Variants in DNAH9 observed in about 807,000 individuals in gnomAD.
DNAH9 encodes DNAH9 variant protein.
Under a neutral mutation model 471.6 loss-of-function variants are expected in DNAH9, and 345 were observed. The observed-to-expected ratio is 0.73, with a 90% CI of 0.67 to 0.80. DNAH9 has a LOEUF of 0.80. Ranked by LOEUF, DNAH9 falls within the 30% of genes least tolerant of loss-of-function variation. The probability of loss-of-function intolerance (pLI) is 0.00; values close to 1 mark genes in which losing one functional copy is unlikely to be tolerated. For missense variants in DNAH9, 5,407 were observed against 5,609.2 expected (o/e 0.96, Z 1.15); for synonymous variants, 2,093 against 2,123.6 (o/e 0.99, Z 0.40).
chr17:11,952,675 A>T (rs1249435621), intron 67 of DNAH9, among the ~76,000 whole-genome samples: 1 of 152,068 alleles, frequency 6.6e-6, no homozygotes, highest in Non-Finnish European at 1.5e-5. Flanking sequence ...TCCTGCCCCT[A>T]AAGGTGAATT....
chr17:11,659,551 C>T (rs572467000), intron 14 of DNAH9, among the ~76,000 whole-genome samples: 4 of 152,230 alleles, frequency 2.6e-5, no homozygotes, highest in Non-Finnish European at 5.9e-5. Context: ...TCCAGACTCA[C>T]TGGCCCCTTG....
chr17:11,807,348 C>CT (rs1291762485), intron 43 of DNAH9, among the ~76,000 whole-genome samples: 1 of 152,170 alleles, frequency 6.6e-6, no homozygotes, highest in Non-Finnish European at 1.5e-5. Context: ...AACTGTTTCG[C>CT]TTTTTCCGTC....
intron 27 of DNAH9, chr17:11,723,329 T>C (rs1220679718): frequency 6.6e-6 from 1 of 152,242 alleles, no homozygotes; most frequent in Non-Finnish European, 1.5e-5. Flanking sequence ...CTTCCCTACC[T>C]CTAATCGGTC....
intron 50 of DNAH9, among the ~76,000 whole-genome samples, chr17:11,857,824 C>G (rs762523342): frequency 6.6e-6 from 1 of 152,022 alleles, no homozygotes. Context: ...GTGGCACCTG[C>G]CCCCCGCAAC....
intron 23 of DNAH9, 64 bp downstream of exon 23, chr17:11,699,947 A>G: frequency 3.2e-6 from 5 of 1,547,800 alleles, no homozygotes; most frequent in South Asian, 1.1e-5. Flanking sequence ...TTCAAATATG[A>G]TCAGCATCAA....
At position 11,902,910 on chromosome 17, in the gene DNAH9, G is replaced by C; in HGVS notation, c.11598G>C (p.Leu3866Phe). The part of the protein sequence containing the change: ...AMRPDRMTYA[L>F]RDFVEEKLGS... ...GGCCCGACCGGATGACCTATGCTTT[G>C]CGGTAGGAAACAGGGTGGTGGAAGG... The change falls in exon 60 of 69, where the codon TTG becomes TTC. Residue 3866 changes from leucine (L) to phenylalanine (F), a missense_variant and splice_region_variant. This residue lies in a region of DNAH9 where 4,636 missense variants were observed against 4,900.3 expected (regional missense o/e 0.95). Transcript: ENST00000262442. 6.2e-7 allele frequency: 1 copy of C among 1,612,294 alleles called. No homozygotes were observed. Among genetic ancestry groups the C allele is most frequent in the Non-Finnish European group, 8.5e-7 (1 of 1,179,442 alleles).
intron 14 of DNAH9, among the ~76,000 whole-genome samples, chr17:11,661,383 TG>T (rs1271045657): frequency 6.6e-6 from 1 of 152,170 alleles, no homozygotes. Flanking sequence ...CTAACAACTC[TG>T]CCTATTAATT....
chr17:11,681,359 C>T (rs560549446), intron 19 of DNAH9, among the ~76,000 whole-genome samples: 2 of 152,262 alleles, frequency 1.3e-5, no homozygotes, highest in African/African-American at 4.8e-5. Flanking sequence ...CCAACACCTC[C>T]CTGCTTGTTA....
At position 11,629,001 on chromosome 17, in the gene DNAH9, T is replaced by C. The variant is rs899155331; in HGVS notation, c.1351-416T>C. ...ATAAGGTTATGAAACTAATCAGGCTTCACAATTTCCTAAGCAACCACCGCC... is the reference window on the plus strand; with the variant it reads ...ATAAGGTTATGAAACTAATCAGGCTCCACAATTTCCTAAGCAACCACCGCC... On this transcript the variant is annotated intron_variant, in intron 6 of 68. Coordinates refer to ENST00000262442, the MANE Select transcript of DNAH9 (RefSeq NM_001372.4). 2.0e-5 allele frequency among the ~76,000 whole-genome samples: 3 copies of C among 152,286 alleles called. No individual in the cohort carries two copies. The South Asian group carries it at 6.2e-4, about 32-fold the overall frequency.
At chr17:11,615,841 C>G (rs779985894) in intron 4 of DNAH9, among the ~76,000 whole-genome samples, 4 of 152,178 alleles carry the variant, frequency 2.6e-5, no homozygotes, top group Non-Finnish European at 4.4e-5. Context: ...TCAGCACTTA[C>G]GGAAGCAAGA....
intron 19 of DNAH9, among the ~76,000 whole-genome samples, chr17:11,685,621 A>G (rs2074228623): frequency 2.0e-5 from 3 of 151,976 alleles, no homozygotes; most frequent in African/African-American, 7.3e-5. Context: ...TTACAGAGAG[A>G]TTTAGGAGAA....
chr17:11,923,185 C>T (rs966063362), intron 61 of DNAH9, among the ~76,000 whole-genome samples: 1 of 152,146 alleles, frequency 6.6e-6, no homozygotes, highest in Admixed American at 6.5e-5. Context: ...AAGTGATTCT[C>T]CTGCCTCAGC....
At chr17:11,699,554 G>A (rs189133656) in intron 22 of DNAH9, among the ~76,000 whole-genome samples, 177 bp from the exon 23 acceptor site, 3 of 152,278 alleles carry the variant, frequency 2.0e-5, no homozygotes, top group East Asian at 1.9e-4. Flanking sequence ...CCACTTCTAC[G>A]GATTCATTTT....
At position 11,852,609 on chromosome 17, in the gene DNAH9, T is replaced by C. The variant is rs1186606208; in HGVS notation, c.9508-1394T>C. Among the ~76,000 whole-genome samples the C allele has an allele frequency of 2.0e-5, 3 of 151,872 alleles. 1 individual carries two copies. The highest frequency in any genetic ancestry group is 4.4e-5 in the Non-Finnish European group (3 of 67,960). On this transcript the variant is annotated intron_variant, in intron 49 of 68. Transcript: ENST00000262442. ...TCAGATGGAAGGTGCAAATTCAGTATACCACCACAACAGGAAACACATTCA... is the reference window on the plus strand; with the variant it reads ...TCAGATGGAAGGTGCAAATTCAGTACACCACCACAACAGGAAACACATTCA...
intron 59 of DNAH9, among the ~76,000 whole-genome samples, chr17:11,897,926 G>A (rs1020108318): frequency 3.0e-4 from 45 of 152,116 alleles, no homozygotes; most frequent in African/African-American, 1.1e-3. Flanking sequence ...TGAAATTAAG[G>A]TGTCAGCAGG....
chr17:11,905,314 TATGGAGG>T (rs890041517), intron 60 of DNAH9, among the ~76,000 whole-genome samples: 4 of 151,536 alleles, frequency 2.6e-5, no homozygotes, highest in African/African-American at 9.7e-5. Context: ...GGAGAGAGCA[TATGGAGG>T]ATTTAACTTA....
chr17:11,951,922 C>CA (rs200475331), intron 67 of DNAH9, among the ~76,000 whole-genome samples: 20,068 of 109,054 alleles, frequency 0.18, 1,417 homozygotes, highest in Middle Eastern at 0.21. Flanking sequence ...AACTCCATCT[C>CA]AAAAAAAAAA....
At chr17:11,713,198 C>T (rs748486801) in intron 26 of DNAH9, among the ~76,000 whole-genome samples, 6 of 152,158 alleles carry the variant, frequency 3.9e-5, no homozygotes, top group Non-Finnish European at 5.9e-5. Context: ...ATAATAGACT[C>T]CAACTCCATC....
chr17:11,665,994 G>A (rs562829867), intron 15 of DNAH9, among the ~76,000 whole-genome samples: 1 of 152,272 alleles, frequency 6.6e-6, no homozygotes, highest in Admixed American at 6.5e-5. Flanking sequence ...GAGGTGTTAG[G>A]CATGGTCTTT....
Sources: allele counts gnomAD v4.1 joint callset (sites outside exome capture counted in the v4.1 genomes callset), GRCh38; gene constraint gnomAD v4.1.1; regional missense constraint gnomAD v4.1.1; transcripts MANE v1.5; gene names NCBI Gene and HGNC (gene_info 2026-07-23, HGNC 2026-07-21).